COL9A1: variants seen among roughly 807,000 people sequenced by gnomAD.
COL9A1 encodes the protein collagen type IX alpha 1 chain, also known as collagen alpha-1(IX) chain.
Under a neutral mutation model 142.6 loss-of-function variants are expected in COL9A1, and 104 were observed. The observed-to-expected ratio is 0.73, with a 90% CI of 0.62 to 0.86. COL9A1 has a LOEUF of 0.86. COL9A1 is among the 40% of genes least tolerant of loss of function. The probability of loss-of-function intolerance (pLI) is 0.00; values close to 1 mark genes in which losing one functional copy is unlikely to be tolerated. For missense variants in COL9A1, 1,210 were observed against 1,176.6 expected (o/e 1.03, Z -0.42); for synonymous variants, 466 against 396.0 (o/e 1.18, Z -2.10).
chr6:70,271,761 A>C, intron 13 of COL9A1, 53 bp from the exon 14 acceptor site: 1 of 1,450,182 alleles, frequency 6.9e-7, no homozygotes, highest in Non-Finnish European at 9.7e-7. Flanking sequence ...TTTACAATCT[A>C]TCATACATTA....
chr6:70,283,231 C>T (rs1773289010), intron 6 of COL9A1: 2 of 1,452,706 alleles, frequency 1.4e-6, no homozygotes, highest in Non-Finnish European at 1.8e-6. Flanking sequence ...TATGAATGGC[C>T]CCGGAGAGGG....
chr6:70,220,736 A>C (rs1422947341), intron 37 of COL9A1, among the ~76,000 whole-genome samples: 1 of 152,210 alleles, frequency 6.6e-6, no homozygotes, highest in East Asian at 1.9e-4. Context: ...CGGTTCACAA[A>C]ATGGGCATAA....
chr6:70,271,434 T>C (rs1382933165), intron 14 of COL9A1, among the ~76,000 whole-genome samples: 1 of 152,092 alleles, frequency 6.6e-6, no homozygotes, highest in Non-Finnish European at 1.5e-5. Flanking sequence ...AATCTGGAAG[T>C]TGGGAAGAAA....
chr6:70,252,016 T>C, intron 28 of COL9A1, 104 bp downstream of exon 28: 1 of 1,205,222 alleles, frequency 8.3e-7, no homozygotes, highest in Non-Finnish European at 1.2e-6. Context: ...TAGCATGGGC[T>C]CAAACATCAG....
chr6:70,257,806 T>G (rs1379543015), intron 20 of COL9A1, among the ~76,000 whole-genome samples: 1 of 148,182 alleles, frequency 6.7e-6, no homozygotes, highest in African/African-American at 2.4e-5. Context: ...TAAGAACAGC[T>G]GCTATACTCT....
chr6:70,258,650 G>T (rs1771482639), intron 20 of COL9A1: 1 of 149,300 alleles, frequency 6.7e-6, no homozygotes, highest in Non-Finnish European at 1.5e-5. Flanking sequence ...ACGTGGCTTT[G>T]ATGCACTCTC....
chr6:70,300,223 T>C (rs1774009437), intron 3 of COL9A1, 48 bp from the exon 4 acceptor site: 1 of 1,612,536 alleles, frequency 6.2e-7, no homozygotes, highest in Non-Finnish European at 8.5e-7. Context: ...AGATTGGTTT[T>C]ATTTCTTTCC....
chr6:70,293,631 T>TCACACACACACACACACACA (rs3222430), intron 5 of COL9A1, among the ~76,000 whole-genome samples: 1 of 137,778 alleles, frequency 7.3e-6, no homozygotes, highest in Non-Finnish European at 1.6e-5. Context: ...TCTCTCTCTT[T>TCACACACACACACACACACA]CACACACACA....
chr6:70,289,931 A>G (rs1006525419), intron 5 of COL9A1, among the ~76,000 whole-genome samples: 4 of 152,152 alleles, frequency 2.6e-5, no homozygotes, highest in African/African-American at 9.7e-5. Context: ...GGATGGAGAA[A>G]AGTACATATA....
At chr6:70,255,481 T>C in intron 21 of COL9A1, 91 bp from the exon 22 acceptor site, 2 of 1,101,438 alleles carry the variant, frequency 1.8e-6, no homozygotes, top group Non-Finnish European at 2.8e-6. Flanking sequence ...GTCACCAAAC[T>C]ATTAGTCTTC....
At chr6:70,217,232 T>A (rs1006599777) in intron 37 of COL9A1, 151 bp from the exon 38 acceptor site, 2 of 721,702 alleles carry the variant, frequency 2.8e-6, no homozygotes, top group African/African-American at 3.5e-5. Context: ...GTGATGATGA[T>A]GATGATGATG....
intron 28 of COL9A1, among the ~76,000 whole-genome samples, chr6:70,249,916 C>G (rs1285108085): frequency 6.6e-6 from 1 of 152,138 alleles, no homozygotes; most frequent in East Asian, 1.9e-4. Flanking sequence ...TGTCCCACAA[C>G]AAGTGCTCAG....
chr6:70,232,514 G>C, intron 36 of COL9A1, 69 bp downstream of exon 36: 1 of 1,532,486 alleles, frequency 6.5e-7, no homozygotes, highest in Non-Finnish European at 9.0e-7. Flanking sequence ...TAAATTCCTC[G>C]AGCTTGATAC....
At chr6:70,274,163 C>A in intron 11 of COL9A1, 81 bp from the exon 12 acceptor site, 2 of 1,100,912 alleles carry the variant, frequency 1.8e-6, no homozygotes, top group Non-Finnish European at 2.7e-6. Context: ...ATATTGAAAG[C>A]ATTAAAACAC....
intron 36 of COL9A1, among the ~76,000 whole-genome samples, chr6:70,228,304 G>A (rs145968232): frequency 5.1e-4 from 78 of 152,168 alleles, no homozygotes; most frequent in African/African-American, 1.8e-3. Context: ...AATTATCCCA[G>A]CCCCTGAAGA....
chr6:70,280,896 C>G lies in COL9A1; in HGVS notation c.913-22G>C, dbSNP rs761226998. 3.1e-6 allele frequency: 5 copies of G among 1,612,698 alleles called. No homozygotes were observed. The African/African-American group carries it at 6.7e-5, about 22-fold the overall frequency. On this transcript the variant is annotated intron_variant, in intron 9 of 37. Transcript: ENST00000357250. ...GACCCTGAGCAGGGGCAGAAGGGTG[C>G]GGGGGCAGGAGAGAAAAAGGTGCAA...
intron 10 of COL9A1, chr6:70,279,741 G>A (rs375732161): frequency 8.9e-6 from 3 of 336,602 alleles, no homozygotes; most frequent in East Asian, 4.3e-5. Flanking sequence ...TGGGAATCCC[G>A]ACAAAGAAAG....
rs1273242599 is a variant in COL9A1, at chr6:70,256,826, A to G, written c.1450-5T>C. On this transcript the variant is annotated splice_polypyrimidine_tract_variant and splice_region_variant and intron_variant, in intron 20 of 37. Transcript: ENST00000357250. ...ACCATCTAAGCCCCGAGCACCCTGCAAAAAAACAAGACAATGGAAAAAAAC... is the reference window on the plus strand; with the variant it reads ...ACCATCTAAGCCCCGAGCACCCTGCGAAAAAACAAGACAATGGAAAAAAAC... The G allele has an allele frequency of 1.2e-6, 2 of 1,613,166 alleles. No individual in the cohort carries two copies. Among genetic ancestry groups the G allele is most frequent in the South Asian group, 1.1e-5 (1 of 90,986 alleles).
downstream of COL9A1, chr6:70,215,152 C>A (rs555637503): frequency 1.9e-4 from 29 of 151,932 alleles, 1 homozygote; most frequent in East Asian, 5.0e-3. Context: ...ATAACAGAGA[C>A]CTTTATTTTC....
Sources: gnomAD v4.1 joint callset for allele counts (sites outside exome capture counted in the v4.1 genomes callset) on GRCh38, gnomAD v4.1.1 for gene constraint, MANE v1.5 for transcripts, NCBI Gene and HGNC (gene_info 2026-07-23, HGNC 2026-07-21) for gene names.